The following DNAJC17 variants were observed in gnomAD, a reference collection of about 807,000 sequenced individuals.
DNAJC17 encodes DnaJ heat shock protein family (Hsp40) member C17, also known as dnaJ homolog subfamily C member 17.
Under a neutral mutation model 48.1 loss-of-function variants are expected in DNAJC17, and 35 were observed. The observed-to-expected ratio is 0.73, with a 90% CI of 0.56 to 0.96. The LOEUF (loss-of-function observed/expected upper bound fraction) is 0.96. DNAJC17 is among the 50% of genes least tolerant of loss of function. The pLI is 0.00. For synonymous variants in DNAJC17, 117 were observed against 142.7 expected (o/e 0.82, Z 1.28); for missense variants, 355 against 377.1 (o/e 0.94, Z 0.48).
intron 10 of DNAJC17, among the ~76,000 whole-genome samples, 169 bp from the exon 11 acceptor site, chr15:40,768,231 C>G (rs933319275): frequency 2.6e-5 from 4 of 152,060 alleles, no homozygotes; most frequent in African/African-American, 9.7e-5. Context: ...TCGCCTGTGT[C>G]CCCCAGAACA....
At chr15:40,779,632 A>G in intron 2 of DNAJC17, 29 bp from the exon 3 acceptor site, 1 of 1,613,148 alleles carries the variant, frequency 6.2e-7, no homozygotes, top group Non-Finnish European at 8.5e-7. Flanking sequence ...AAGACAGAAG[A>G]AAAATAAAGT....
intron 1 of DNAJC17, among the ~76,000 whole-genome samples, chr15:40,804,504 TG>T: frequency 6.6e-6 from 1 of 151,636 alleles, no homozygotes; most frequent in Middle Eastern, 3.5e-3. Flanking sequence ...GAGGCTGAGG[TG>T]GGATCACTTG....
At chr15:40,768,125 G>A (rs1002575815) in intron 10 of DNAJC17, 63 bp from the exon 11 acceptor site, 12 of 1,478,012 alleles carry the variant, frequency 8.1e-6, no homozygotes, top group Non-Finnish European at 1.1e-5. Flanking sequence ...CACAGACTCC[G>A]AGTACGGTGC....
Position 40,776,234 on chromosome 15 carries a change from C to T in DNAJC17, c.440G>A (p.Arg147Gln), listed in dbSNP as rs768378470. 28 of 1,614,016 alleles carry T rather than the reference C, an allele frequency of 1.7e-5. No individual in the cohort carries two copies. Among genetic ancestry groups the T allele is most frequent in the Middle Eastern group, 1.6e-4 (1 of 6,064 alleles). The change falls in exon 6 of 11, where the codon CGG becomes CAG. Residue 147 changes from arginine to glutamine, a missense_variant. By Grantham distance (43) the Arg-to-Gln change is conservative (BLOSUM62 1). Transcript: ENST00000220496. ...GTCACGCTCCTGGCGTATCTGCTCC[C>T]GGATGAGCCTCTGCTGTTCCTCCAG... Reference protein sequence around the residue: ...RQLEEQQRLIREQIRQERDQR... With the variant: ...RQLEEQQRLIQEQIRQERDQR...
chr15:40,795,254 AAAGG>A (rs568824579), intron 1 of DNAJC17, among the ~76,000 whole-genome samples: 1 of 136,950 alleles, frequency 7.3e-6, no homozygotes, highest in Non-Finnish European at 1.6e-5. Context: ...GTCTCAAAAA[AAAGG>A]AAGGAAGGGA....
At chr15:40,777,285 T>C (rs923011979) in intron 4 of DNAJC17, among the ~76,000 whole-genome samples, 2 of 148,248 alleles carry the variant, frequency 1.3e-5, no homozygotes, top group African/African-American at 5.0e-5. Context: ...CTCTCTCTTT[T>C]TTTTTTTTTT....
intron 1 of DNAJC17, among the ~76,000 whole-genome samples, chr15:40,786,316 T>C (rs1047795879): frequency 2.6e-5 from 4 of 152,194 alleles, no homozygotes; most frequent in African/African-American, 4.8e-5. Flanking sequence ...CCTTATGATA[T>C]AGGATAAACA....
At chr15:40,795,227 C>T (rs908244931) in intron 1 of DNAJC17, among the ~76,000 whole-genome samples, 9 of 127,672 alleles carry the variant, frequency 7.0e-5, no homozygotes, top group Non-Finnish European at 1.4e-4. Context: ...CCAGCCTGGG[C>T]GGGAGAGGGA....
chr15:40,794,315 A>C (rs1327764549), intron 1 of DNAJC17, among the ~76,000 whole-genome samples: 2 of 151,712 alleles, frequency 1.3e-5, no homozygotes, highest in Non-Finnish European at 2.9e-5. Context: ...GTGCCACTGC[A>C]CTCCAGCCTG....
At chr15:40,774,940 G>A (rs1472033054) in intron 8 of DNAJC17, 91 bp downstream of exon 8, 54 of 1,343,984 alleles carry the variant, frequency 4.0e-5, no homozygotes, top group Non-Finnish European at 3.9e-5. Context: ...GATATGTTAA[G>A]GGAAGTTCAG....
chr15:40,785,073 G>A (rs1422607394), intron 1 of DNAJC17, among the ~76,000 whole-genome samples: 1 of 152,078 alleles, frequency 6.6e-6, no homozygotes, highest in Non-Finnish European at 1.5e-5. Context: ...ACTCCAGCCT[G>A]GGAGGGAAGA....
intron 10 of DNAJC17, chr15:40,771,027 G>C (rs573561742): frequency 1.7e-5 from 27 of 1,549,752 alleles, no homozygotes; most frequent in Non-Finnish European, 2.4e-5. Context: ...CTTCTAAATG[G>C]GGTGAGGGTG....
At chr15:40,801,737 C>CAAAAA (rs1048222450) in intron 1 of DNAJC17, among the ~76,000 whole-genome samples, 272 of 60,116 alleles carry the variant, frequency 4.5e-3, no homozygotes, top group Non-Finnish European at 5.5e-3. Context: ...GACTCCGTCT[C>CAAAAA]AAAAAAAAAA....
At chr15:40,768,996 A>T (rs950797451) in intron 10 of DNAJC17, among the ~76,000 whole-genome samples, 2 of 152,240 alleles carry the variant, frequency 1.3e-5, no homozygotes, top group African/African-American at 4.8e-5. Context: ...GCAAGGCAGG[A>T]GGAAAATGTG....
chr15:40,773,731 G>A lies in DNAJC17; in HGVS notation c.788C>T (p.Ser263Leu). ...GGGCGAGGCCTGACTCCTCACCTTT[G>A]ACAGTCCTGAGTGGCTGCGGCCCAC... ...DAVGRSHSGLSKGSVLSERDY... is the reference protein window; with the variant it reads ...DAVGRSHSGLLKGSVLSERDY... The change falls in exon 10 of 11, where the codon TCA (serine) becomes TTA (leucine). Residue 263 changes from serine (S) to leucine (L), a missense_variant. Physicochemically the swap from Ser to Leu is moderately radical, Grantham distance 145 (BLOSUM62 -2). This residue lies in a region of DNAJC17 where 88 missense variants were observed against 67.7 expected (regional missense o/e 1.30). Coordinates refer to ENST00000220496, the MANE Select transcript of DNAJC17 (RefSeq NM_018163.3). The A allele has an allele frequency of 1.2e-6, 2 of 1,613,372 alleles. No individual in the cohort carries two copies. Among genetic ancestry groups the A allele is most frequent in the Non-Finnish European group, 1.7e-6 (2 of 1,179,670 alleles).
chr15:40,792,727 C>T (rs559824063), intron 1 of DNAJC17, among the ~76,000 whole-genome samples: 2 of 152,198 alleles, frequency 1.3e-5, no homozygotes, highest in East Asian at 3.9e-4. Flanking sequence ...GAGTGAGACC[C>T]CCAGAAATAC....
intron 9 of DNAJC17, 178 bp downstream of exon 9, chr15:40,774,178 T>C: frequency 1.4e-6 from 1 of 704,536 alleles, no homozygotes; most frequent in Non-Finnish European, 2.4e-6. Context: ...ATCCATCCCT[T>C]CACACACGGT....
At chr15:40,796,448 G>C (rs1206314051) in intron 1 of DNAJC17, among the ~76,000 whole-genome samples, 2 of 152,154 alleles carry the variant, frequency 1.3e-5, no homozygotes, top group Non-Finnish European at 2.9e-5. Context: ...GTGGGAGATA[G>C]ATAACTGCCC....
chr15:40,805,876 A>G (rs895286933), intron 1 of DNAJC17, among the ~76,000 whole-genome samples: 1 of 151,584 alleles, frequency 6.6e-6, no homozygotes, highest in African/African-American at 2.4e-5. Flanking sequence ...TTAAAAAATA[A>G]TAATTTGTAA....
Sources: allele counts gnomAD v4.1 joint callset (sites outside exome capture counted in the v4.1 genomes callset), GRCh38; gene constraint gnomAD v4.1.1; regional missense constraint gnomAD v4.1.1; transcripts MANE v1.5; gene names NCBI Gene and HGNC (gene_info 2026-07-23, HGNC 2026-07-21).